The following BAIAP2L1 variants were observed in gnomAD, a reference collection of about 807,000 sequenced individuals.
BAIAP2L1 encodes the protein BAR/IMD domain-containing adapter protein 2-like 1.
Under a neutral mutation model 66.3 loss-of-function variants are expected in BAIAP2L1, and 35 were observed. The ratio of observed to expected loss-of-function variants is 0.53; its 90% CI spans 0.40 to 0.70. The LOEUF (loss-of-function observed/expected upper bound fraction) is 0.70, where lower values mean the gene tolerates loss of function less well. Among genes scored for constraint, BAIAP2L1 ranks in the 30% least tolerant of loss-of-function variants. BAIAP2L1 has a pLI of 0.00. For missense variants in BAIAP2L1, 622 were observed against 656.9 expected, an observed-to-expected ratio of 0.95 and a Z score of 0.58; for synonymous variants, 269 against 248.7, an observed-to-expected ratio of 1.08 and a Z score of -0.77.
intron 3 of BAIAP2L1, among the ~76,000 whole-genome samples, chr7:98,328,692 A>C: frequency 6.6e-6 from 1 of 152,050 alleles, no homozygotes. Context: ...AAAAAAAAAA[A>C]AAAAAAAATT....
chr7:98,330,383 C>T (rs923048795), intron 3 of BAIAP2L1, among the ~76,000 whole-genome samples: 6 of 152,140 alleles, frequency 3.9e-5, no homozygotes, highest in Admixed American at 6.6e-5. Context: ...TTAGGCCAGG[C>T]GTGGTGGCTC....
At chr7:98,309,678 A>AG (rs1162381929) in intron 9 of BAIAP2L1, 1 of 152,264 alleles carries the variant, frequency 6.6e-6, no homozygotes, top group Admixed American at 6.5e-5. Context: ...GCTGTGGTCC[A>AG]GGGCTCTCTC....
intron 3 of BAIAP2L1, among the ~76,000 whole-genome samples, chr7:98,349,878 G>C (rs1162947224): frequency 6.6e-6 from 1 of 152,054 alleles, no homozygotes; most frequent in Non-Finnish European, 1.5e-5. Flanking sequence ...CCAACATGGA[G>C]AAACCCCATC....
chr7:98,350,823 T>A (rs926770981), intron 3 of BAIAP2L1, among the ~76,000 whole-genome samples: 2 of 151,958 alleles, frequency 1.3e-5, no homozygotes, highest in Admixed American at 1.3e-4. Flanking sequence ...GGGAAAAAAG[T>A]GGGAGGGCCC....
chr7:98,319,113 C>CA (rs1257187079), intron 5 of BAIAP2L1, among the ~76,000 whole-genome samples: 6 of 152,168 alleles, frequency 3.9e-5, no homozygotes, highest in Admixed American at 1.3e-4. Flanking sequence ...ACGAGGACGA[C>CA]AGGGGAGGGA....
chr7:98,302,690 A>AG (rs1800477951), intron 12 of BAIAP2L1, among the ~76,000 whole-genome samples: 1 of 152,200 alleles, frequency 6.6e-6, no homozygotes, highest in African/African-American at 2.4e-5. Context: ...CAAGAGGCAG[A>AG]GGGGGGACCT....
chr7:98,314,765 G>T (rs892219407), intron 7 of BAIAP2L1, among the ~76,000 whole-genome samples: 1 of 152,088 alleles, frequency 6.6e-6, no homozygotes, highest in Non-Finnish European at 1.5e-5. Flanking sequence ...ATCTCAAATC[G>T]CCCAGGTGGG....
At chr7:98,345,086 G>GC (rs1379944695) in intron 3 of BAIAP2L1, among the ~76,000 whole-genome samples, 1 of 152,130 alleles carries the variant, frequency 6.6e-6, no homozygotes, top group Non-Finnish European at 1.5e-5. Context: ...GGCTGCTTGA[G>GC]CCCAGGAGTT....
intron 3 of BAIAP2L1, among the ~76,000 whole-genome samples, chr7:98,353,532 T>C (rs1187311340): frequency 7.4e-6 from 1 of 135,450 alleles, no homozygotes; most frequent in African/African-American, 2.8e-5. Context: ...TATTTATAAA[T>C]ATACATATAT....
Position 98,293,548 on chromosome 7 carries a change from A to G in BAIAP2L1, c.1509T>C (p.Asn503=), listed in dbSNP as rs1800056989. The G allele has an allele frequency of 1.2e-6, 2 of 1,613,870 alleles. No individual in the cohort carries two copies. The highest frequency in any genetic ancestry group is 1.7e-6 in the Non-Finnish European group (2 of 1,179,966). Residue 503 remains asparagine (N), a synonymous_variant, in exon 14 of 14, where the codon AAT becomes AAC. Coordinates refer to ENST00000005260, the MANE Select transcript of BAIAP2L1 (RefSeq NM_018842.5). ...ATVKLRPTVT[N]DRSAPIIR is the part of the protein sequence containing the mutation. ...ATCGAATGATGGGTGCCGAGCGATC[A>G]TTCGTCACAGTCGGGCGGAGTTTCA... is the stretch of plus-strand genomic sequence containing the variant.
At chr7:98,378,943 C>T (rs1317123311) in intron 1 of BAIAP2L1, among the ~76,000 whole-genome samples, 1 of 152,172 alleles carries the variant, frequency 6.6e-6, no homozygotes, top group African/African-American at 2.4e-5. Context: ...AATTCTGCTG[C>T]CTCAGCTTCC....
At chr7:98,382,265 G>A (rs1051329184) in intron 1 of BAIAP2L1, among the ~76,000 whole-genome samples, 1 of 152,064 alleles carries the variant, frequency 6.6e-6, no homozygotes, top group African/African-American at 2.4e-5. Context: ...GAGTGGGGAG[G>A]GAGAACAATG....
intron 3 of BAIAP2L1, among the ~76,000 whole-genome samples, chr7:98,336,662 T>C (rs1017893805): frequency 2.6e-5 from 4 of 152,214 alleles, no homozygotes; most frequent in African/African-American, 4.8e-5. Context: ...TTCTCTTACA[T>C]GCCCAGTCTT....
At chr7:98,336,838 A>T (rs1350515381) in intron 3 of BAIAP2L1, among the ~76,000 whole-genome samples, 2 of 152,156 alleles carry the variant, frequency 1.3e-5, no homozygotes, top group Non-Finnish European at 2.9e-5. Flanking sequence ...GAGTGCCGTG[A>T]GTTTTGTGGT....
At chr7:98,380,423 C>T (rs550642661) in intron 1 of BAIAP2L1, among the ~76,000 whole-genome samples, 35 of 152,056 alleles carry the variant, frequency 2.3e-4, no homozygotes, top group African/African-American at 7.5e-4. Flanking sequence ...TCTAACATGG[C>T]GGCAGGAAGA....
At chr7:98,337,271 G>A (rs1801636518) in intron 3 of BAIAP2L1, among the ~76,000 whole-genome samples, 1 of 146,428 alleles carries the variant, frequency 6.8e-6, no homozygotes, top group Admixed American at 6.9e-5. Flanking sequence ...TCACTCTGTT[G>A]CCCAGGCTGG....
intron 8 of BAIAP2L1, among the ~76,000 whole-genome samples, chr7:98,311,306 G>A (rs1800859249): frequency 6.6e-6 from 1 of 152,060 alleles, no homozygotes; most frequent in South Asian, 2.1e-4. Flanking sequence ...CACTTTGGGA[G>A]GCCGAGGTGG....
intron 2 of BAIAP2L1, 38 bp downstream of exon 2, chr7:98,362,319 T>C: frequency 7.0e-7 from 1 of 1,429,780 alleles, no homozygotes; most frequent in Non-Finnish European, 9.7e-7. Context: ...ATTTACTGAG[T>C]GGCTTTATAT....
intron 3 of BAIAP2L1, among the ~76,000 whole-genome samples, chr7:98,332,382 CAAAAAAAAAAAAA>C (rs55987839): frequency 2.5e-4 from 7 of 27,764 alleles, no homozygotes; most frequent in South Asian, 3.8e-3. Flanking sequence ...GACTCCATCT[CAAAAAAAAAAAAA>C]AAAAAAAAAA....
Sources: gnomAD v4.1 joint callset for allele counts (sites outside exome capture counted in the v4.1 genomes callset) on GRCh38, gnomAD v4.1.1 for gene constraint, MANE v1.5 for transcripts, NCBI Gene and HGNC (gene_info 2026-07-23, HGNC 2026-07-21) for gene names.